SLCO3A1: variants seen among roughly 807,000 people sequenced by gnomAD.
SLCO3A1 encodes PGE1 transporter.
Under a neutral mutation model 63.1 loss-of-function variants are expected in SLCO3A1, and 27 were observed. The ratio of observed to expected loss-of-function variants is 0.43; its 90% CI spans 0.32 to 0.59. The LOEUF is 0.59. SLCO3A1 is among the 20% of genes least tolerant of loss of function. The pLI, the probability that SLCO3A1 is intolerant of heterozygous loss-of-function variation, is 0.09. For synonymous variants in SLCO3A1, 473 were observed against 409.9 expected (o/e 1.15, Z -1.86); for missense variants, 773 against 945.8 (o/e 0.82, Z 2.40).
chr15:92,062,443 G>A (rs1300560692), intron 2 of SLCO3A1, among the ~76,000 whole-genome samples: 4 of 152,198 alleles, frequency 2.6e-5, no homozygotes, highest in African/African-American at 9.6e-5. Context: ...TGTGGGAAGT[G>A]TGAATTGCAT....
In SLCO3A1 at chr15:91,954,581, AGGAAGAGGAAGTGGAAGTTGGTGG is replaced by A. The variant is rs368958336; in HGVS notation, c.646+38145_646+38168del. On this transcript the variant is annotated intron_variant, in intron 2 of 9. Transcript: ENST00000318445. The surrounding 1 kb of genome is among the most constrained non-coding windows in gnomAD (Gnocchi z 4.7). ...CCTGAGAAGTGAATCCAGGCGCAGA[AGGAAGAGGAAGTGGAAGTTGGTGG>A]GGAAGAGGAAGTGGAAGTTGGCGGG... Among the ~76,000 whole-genome samples the A allele has an allele frequency of 9.9e-4, 151 of 152,300 alleles. No homozygotes were observed. Among genetic ancestry groups the A allele is most frequent in the African/African-American group, 3.2e-3 (132 of 41,564 alleles).
In SLCO3A1 at chr15:92,164,491, G is replaced by A. The variant is rs2048476534; in HGVS notation, c.*1356G>A. 1 of 985,398 alleles carries A rather than the reference G, an allele frequency of 1.0e-6. No individual in the cohort carries two copies. 61.0% of individuals were successfully genotyped at this position (985,398 alleles called of 1,614,324 possible). ...ATATTCATGCTTGACATTCCAAGAG[G>A]CGTTCTTTTCAGCCTGTGGAGGAGA... On this transcript the variant is annotated 3_prime_UTR_variant, in exon 10 of 10. Coordinates refer to ENST00000318445, the MANE Select transcript of SLCO3A1 (RefSeq NM_013272.4).
rs145274638 is a variant in SLCO3A1, at chr15:92,054,093, C to T, written c.647-40788C>T. On this transcript the variant is annotated intron_variant, in intron 2 of 9. Coordinates refer to ENST00000318445, the MANE Select transcript of SLCO3A1 (RefSeq NM_013272.4). ...GAAATCTATATTTTGATTTACAATC[C>T]AGTACTGCTATGTTTTGTTCCTCAA... 1.9e-3 allele frequency among the ~76,000 whole-genome samples: 290 copies of T among 152,278 alleles called. 11 individuals carry two copies. In the East Asian group the frequency reaches 0.053, roughly 28 times the overall value.
rs564391671 is a variant in SLCO3A1, at chr15:92,164,081, T to G, written c.*946T>G. 1 of 980,942 alleles carries G rather than the reference T, an allele frequency of 1.0e-6. No homozygotes were observed. Among genetic ancestry groups the G allele is most frequent in the South Asian group, 4.7e-5 (1 of 21,204 alleles). The allele number at this position is 980,942 out of a possible 1,614,324, so 60.8% of individuals were successfully genotyped here. On this transcript the variant is annotated 3_prime_UTR_variant, in exon 10 of 10. Coordinates refer to ENST00000318445, the MANE Select transcript of SLCO3A1 (RefSeq NM_013272.4). ...TATGAATTTCAAACTGTTGTATGTA[T>G]AATCCTCTAATACTATTTTTAACTA...
chr15:92,044,422 A>G lies in SLCO3A1; in HGVS notation c.647-50459A>G, dbSNP rs180723760. Among the ~76,000 whole-genome samples the G allele has an allele frequency of 1.4e-3, 220 of 152,194 alleles. 2 individuals are homozygous for G. Among genetic ancestry groups the G allele is most frequent in the African/African-American group, 4.9e-3 (204 of 41,516 alleles). On this transcript the variant is annotated intron_variant, in intron 2 of 9. Transcript: ENST00000318445. ...AAAATCTCTTCCCATTGTGGGTTTC[A>G]GTGACAGCCCTGCCACATCCTCATT... is the stretch of plus-strand genomic sequence containing the variant.
intron 4 of SLCO3A1, among the ~76,000 whole-genome samples, chr15:92,118,203 G>A (rs2047818969): frequency 6.6e-6 from 1 of 152,050 alleles, no homozygotes; most frequent in Non-Finnish European, 1.5e-5. Context: ...ATTTTTATTT[G>A]TGCATTTATT....
At chr15:92,149,864 C>A (rs529098519) in intron 8 of SLCO3A1, 1 of 152,306 alleles carries the variant, frequency 6.6e-6, no homozygotes, top group South Asian at 2.1e-4. Flanking sequence ...GAATTTGTCT[C>A]TATTTATGTG....
chr15:92,076,346 C>A (rs182657235), intron 2 of SLCO3A1, among the ~76,000 whole-genome samples: 54 of 146,982 alleles, frequency 3.7e-4, no homozygotes, highest in African/African-American at 1.1e-3. Flanking sequence ...ACCAACCCTG[C>A]CTCTAGATAG....
chr15:92,033,953 G>C lies in SLCO3A1; in HGVS notation c.647-60928G>C, dbSNP rs1296078321. Among the ~76,000 whole-genome samples the C allele has an allele frequency of 6.6e-6, 1 of 152,026 alleles. No homozygotes were observed. Among genetic ancestry groups the C allele is most frequent in the African/African-American group, 2.4e-5 (1 of 41,382 alleles). On this transcript the variant is annotated intron_variant, in intron 2 of 9. Transcript: ENST00000318445. The surrounding 1 kb of genome is among the most constrained non-coding windows in gnomAD (Gnocchi z 4.5). ...CAGGCGCATGGGTGGGACCCAGTGA[G>C]GGAGGGGGAGGAGCAGAATGAATGG...
intron 2 of SLCO3A1, among the ~76,000 whole-genome samples, chr15:92,021,605 G>T (rs540926634): frequency 3.9e-5 from 6 of 152,018 alleles, no homozygotes; most frequent in Non-Finnish European, 8.8e-5. Flanking sequence ...ATAGATTTCC[G>T]TAATAGTTTT....
rs2048465207 is a variant in SLCO3A1, at chr15:92,163,415, A to T, written c.*280A>T. The T allele has an allele frequency of 4.6e-6, 5 of 1,087,396 alleles. No homozygotes were observed. Among genetic ancestry groups the T allele is most frequent in the Non-Finnish European group, 5.6e-6 (5 of 897,064 alleles). The allele number at this position is 1,087,396 out of a possible 1,614,324, so 67.4% of individuals were successfully genotyped here. A position where few individuals can be genotyped will look rare whatever the true frequency, so the allele number is the denominator to read the frequency against. On this transcript the variant is annotated 3_prime_UTR_variant, in exon 10 of 10. Coordinates refer to ENST00000318445, the MANE Select transcript of SLCO3A1 (RefSeq NM_013272.4). ...TTGAAGGCACCTCATGGTTTTCAGG[A>T]TGCTGACAGCTGCAAGCAACAGGCA...
intron 2 of SLCO3A1, among the ~76,000 whole-genome samples, chr15:91,986,590 T>A (rs28641829): frequency 0.24 from 35,250 of 145,434 alleles, 4,895 homozygotes; most frequent in East Asian, 0.38. Flanking sequence ...TACATTCTTT[T>A]AAAAAAAAAA....
chr15:92,010,186 G>A (rs1474685377), intron 2 of SLCO3A1, among the ~76,000 whole-genome samples: 1 of 152,192 alleles, frequency 6.6e-6, no homozygotes. Context: ...ATTATGGGAT[G>A]CTAGACTGCA....
rs1197431605 is a variant in SLCO3A1 at position 91,860,251 on chromosome 15, T to A, written c.180+6163T>A. Among the ~76,000 whole-genome samples, 7 of 152,018 alleles carry A rather than the reference T, an allele frequency of 4.6e-5. No homozygotes were observed. The highest frequency in any genetic ancestry group is 8.8e-5 in the Non-Finnish European group (6 of 68,004). On this transcript the variant is annotated intron_variant, in intron 1 of 9. Coordinates refer to ENST00000318445, the MANE Select transcript of SLCO3A1 (RefSeq NM_013272.4). This position sits in a 1 kb window ranked among gnomAD's most constrained non-coding sequence, Gnocchi z 5.5. Reference sequence around the variant, plus strand: ...GCCACTGGGTGCTGAAGGCTGAGGGTAGGTGGAAAGAATGTTGGACTTGGA... The same window carrying A: ...GCCACTGGGTGCTGAAGGCTGAGGGAAGGTGGAAAGAATGTTGGACTTGGA...
At position 91,894,694 on chromosome 15, in the gene SLCO3A1, G is replaced by C. The variant is rs1356170512; in HGVS notation, c.181-21299G>C. Among the ~76,000 whole-genome samples the C allele has an allele frequency of 6.6e-6, 1 of 152,176 alleles. No individual in the cohort carries two copies. Reference sequence around the variant, plus strand: ...TTGGTAAAATGTAGAATTTGACTCTGTGGGTCTGGGGCAGGGTCTGAGATT... The same window carrying C: ...TTGGTAAAATGTAGAATTTGACTCTCTGGGTCTGGGGCAGGGTCTGAGATT... On this transcript the variant is annotated intron_variant, in intron 1 of 9. Coordinates refer to ENST00000318445, the MANE Select transcript of SLCO3A1 (RefSeq NM_013272.4). The surrounding 1 kb of genome is among the most constrained non-coding windows in gnomAD (Gnocchi z 4.8).
At chr15:92,072,636 C>T (rs1055309994) in intron 2 of SLCO3A1, among the ~76,000 whole-genome samples, 4 of 152,202 alleles carry the variant, frequency 2.6e-5, no homozygotes, top group Non-Finnish European at 5.9e-5. Flanking sequence ...CCTGTGCTCC[C>T]TCCAGAAGCC....
downstream of SLCO3A1, among the ~76,000 whole-genome samples, chr15:92,168,026 A>T (rs576811919): frequency 1.3e-5 from 2 of 152,352 alleles, no homozygotes. Context: ...TTTTGGCTAT[A>T]TGCCAAGCCC....
At chr15:91,898,183 A>C (rs537763410) in intron 1 of SLCO3A1, among the ~76,000 whole-genome samples, 1 of 152,178 alleles carries the variant, frequency 6.6e-6, no homozygotes, top group Non-Finnish European at 1.5e-5. Flanking sequence ...ACTGGTGCAC[A>C]CAGCAACATG....
In SLCO3A1 at chr15:91,930,396, T is replaced by A. The variant is rs371299356; in HGVS notation, c.646+13938T>A. Among the ~76,000 whole-genome samples the A allele has an allele frequency of 2.6e-4, 39 of 152,342 alleles. No individual in the cohort carries two copies. In the East Asian group the frequency reaches 6.7e-3, roughly 26 times the overall value. On this transcript the variant is annotated intron_variant, in intron 2 of 9. Coordinates refer to ENST00000318445, the MANE Select transcript of SLCO3A1 (RefSeq NM_013272.4). ...TTTATGAACCCAGAGAGATGTGCGT[T>A]GTTCTGGAACCTTTGTTACAAAGGT...
Sources: gnomAD v4.1 joint callset for allele counts (sites outside exome capture counted in the v4.1 genomes callset) on GRCh38, gnomAD v4.1.1 for gene constraint, Gnocchi (gnomAD v3.1) non-coding constraint, MANE v1.5 for transcripts, NCBI Gene and HGNC (gene_info 2026-07-23, HGNC 2026-07-21) for gene names.